NXPE2: variants seen among roughly 807,000 people sequenced by gnomAD.
The protein encoded by NXPE2 is NXPE family member 2.
In NXPE2, 34 loss-of-function variants were observed where a neutral mutation model predicts 34.4. The observed-to-expected ratio is 0.99, with a 90% CI of 0.75 to 1.31. The LOEUF is 1.31. Ranked by LOEUF, NXPE2 falls within the 40% of genes most tolerant of loss-of-function variation. NXPE2 has a pLI of 0.00. For synonymous variants in NXPE2, 235 were observed against 231.3 expected, an observed-to-expected ratio of 1.02 and a Z score of -0.15; for missense variants, 649 against 672.5, an observed-to-expected ratio of 0.97 and a Z score of 0.39.
the NXPE2 span, among the ~76,000 whole-genome samples, chr11:114,563,615 G>A: frequency 2.0e-5 from 3 of 151,816 alleles, no homozygotes; most frequent in East Asian, 1.9e-4. Flanking sequence ...GAACTCAAAC[G>A]AATCAGCAAG....
At chr11:114,517,521 C>T in the NXPE2 span, among the ~76,000 whole-genome samples, 6 of 152,146 alleles carry the variant, frequency 3.9e-5, no homozygotes, top group African/African-American at 1.2e-4. Flanking sequence ...TTTATGTACA[C>T]TACCATTTAT....
the NXPE2 span, among the ~76,000 whole-genome samples, chr11:114,518,531 G>A: frequency 6.6e-6 from 1 of 152,224 alleles, no homozygotes; most frequent in South Asian, 2.1e-4. Flanking sequence ...TTGTCTGGAT[G>A]TCTGAAGATC....
intron 2 of NXPE2, among the ~76,000 whole-genome samples, chr11:114,697,045 CTCTG>C (rs1201653223): frequency 6.6e-6 from 1 of 152,268 alleles, no homozygotes; most frequent in Non-Finnish European, 1.5e-5. Flanking sequence ...TGGCTTCTCT[CTCTG>C]TCTTTCTCTC....
At chr11:114,631,086 C>G in the NXPE2 span, among the ~76,000 whole-genome samples, 1 of 151,898 alleles carries the variant, frequency 6.6e-6, no homozygotes, top group Admixed American at 6.6e-5. Flanking sequence ...GGACTGTAAA[C>G]TAGTTCAATC....
At chr11:114,632,786 T>A in the NXPE2 span, among the ~76,000 whole-genome samples, 2 of 17,580 alleles carry the variant, frequency 1.1e-4, no homozygotes, top group Admixed American at 1.3e-3. Context: ...ATATTATATA[T>A]TATATAATTA....
At chr11:114,736,135 C>A in the NXPE2 span, among the ~76,000 whole-genome samples, 5 of 152,210 alleles carry the variant, frequency 3.3e-5, no homozygotes, top group East Asian at 9.7e-4. Context: ...GATCACAGGA[C>A]CACAGGACCA....
At chr11:114,525,024 G>C in the NXPE2 span, among the ~76,000 whole-genome samples, 2 of 151,876 alleles carry the variant, frequency 1.3e-5, no homozygotes, top group Non-Finnish European at 2.9e-5. Flanking sequence ...AAACAGCCTT[G>C]GTGGTATTGT....
At chr11:114,673,917 A>C (rs1002410127), upstream of NXPE2, among the ~76,000 whole-genome samples, 4 of 151,938 alleles carry the variant, frequency 2.6e-5, no homozygotes, top group African/African-American at 4.8e-5. Context: ...AAACTAGCCC[A>C]AAACCAGAAT....
chr11:114,603,581 G>A, the NXPE2 span, among the ~76,000 whole-genome samples: 2 of 150,980 alleles, frequency 1.3e-5, no homozygotes, highest in Non-Finnish European at 3.0e-5. Context: ...CGTCTCCTAG[G>A]TAACTCCTAT....
the NXPE2 span, among the ~76,000 whole-genome samples, chr11:114,497,071 G>A: frequency 6.6e-6 from 1 of 152,058 alleles, no homozygotes; most frequent in African/African-American, 2.4e-5. Context: ...GGTCCTGCAG[G>A]AGGTATTCCA....
the NXPE2 span, among the ~76,000 whole-genome samples, chr11:114,538,992 T>A: frequency 1.3e-4 from 19 of 147,590 alleles, no homozygotes; most frequent in East Asian, 3.7e-3. Flanking sequence ...CACGTGTGTT[T>A]ATTGAGGCAC....
chr11:114,513,185 C>T, the NXPE2 span: 4 of 550,058 alleles, frequency 7.3e-6, no homozygotes, highest in East Asian at 4.7e-5. Context: ...CAAGTGGTCT[C>T]TCACCTCCAG....
At chr11:114,504,309 A>T in the NXPE2 span, among the ~76,000 whole-genome samples, 1 of 152,024 alleles carries the variant, frequency 6.6e-6, no homozygotes, top group Non-Finnish European at 1.5e-5. Flanking sequence ...GGATCCTCCT[A>T]TACCCTGAGT....
the NXPE2 span, among the ~76,000 whole-genome samples, chr11:114,624,737 C>G: frequency 0.016 from 2,410 of 151,112 alleles, 26 homozygotes; most frequent in Non-Finnish European, 0.022. Context: ...GTATTGCCTC[C>G]AGGGTAACCA....
chr11:114,668,425 A>G, the NXPE2 span, among the ~76,000 whole-genome samples: 8 of 151,990 alleles, frequency 5.3e-5, no homozygotes, highest in Admixed American at 3.3e-4. Context: ...ACACAGCAGT[A>G]GATAACTAAT....
chr11:114,522,040 G>A, the NXPE2 span: 3 of 1,613,748 alleles, frequency 1.9e-6, no homozygotes, highest in African/African-American at 4.0e-5. Flanking sequence ...TAGTGTCAGT[G>A]CCATATGCAA....
At chr11:114,541,488 T>G in the NXPE2 span, among the ~76,000 whole-genome samples, 2 of 152,362 alleles carry the variant, frequency 1.3e-5, no homozygotes, top group Middle Eastern at 6.8e-3. Context: ...ATAGATTTAT[T>G]CTGAGCCAAA....
chr11:114,535,354 TA>T, the NXPE2 span, among the ~76,000 whole-genome samples: 11 of 152,236 alleles, frequency 7.2e-5, 1 homozygote, highest in South Asian at 2.1e-3. Context: ...ATATCAAGGC[TA>T]GGAAGAAACT....
the NXPE2 span, chr11:114,518,113 C>G: frequency 6.6e-6 from 1 of 152,270 alleles, no homozygotes; most frequent in Non-Finnish European, 1.5e-5. Context: ...ATGTGGCTCT[C>G]TGCTATTTGG....
Sources: allele counts gnomAD v4.1 joint callset (sites outside exome capture counted in the v4.1 genomes callset), GRCh38; gene constraint gnomAD v4.1.1; transcripts MANE v1.5; gene names NCBI Gene and HGNC (gene_info 2026-07-23, HGNC 2026-07-21).